PSEN1: variants seen among roughly 807,000 people sequenced by gnomAD.
The protein encoded by PSEN1 is presenilin 1, also known as presenilin-1.
PSEN1 carries 15 observed loss-of-function variants against 53.5 expected under a neutral mutation model. The ratio of observed to expected loss-of-function variants is 0.28; its 90% CI spans 0.19 to 0.43. PSEN1 has a LOEUF of 0.43. PSEN1 is among the 20% of genes least tolerant of loss of function. PSEN1 has a pLI of 1.00. For synonymous variants in PSEN1, 208 were observed against 209.8 expected (o/e 0.99, Z 0.08); for missense variants, 387 against 571.2 (o/e 0.68, Z 3.29).
In PSEN1 at chr14:73,220,440, CAGT is replaced by C. The variant is rs1900096775; in HGVS notation, c.*1154_*1156del. The C allele has an allele frequency of 6.6e-6, 1 of 152,588 alleles. No individual in the cohort carries two copies. Among genetic ancestry groups the C allele is most frequent in the Non-Finnish European group, 1.5e-5 (1 of 68,036 alleles). The allele number at this position is 152,588 out of a possible 1,614,324, so 9.5% of individuals were successfully genotyped here. On this transcript the variant is annotated 3_prime_UTR_variant, in exon 12 of 12. Transcript: ENST00000324501. ...GTATTTTGTTTTTGCTTTTGCCACA[CAGT>C]AGCTCAGAATTTGAACAAATAGCCA...
At chr14:73,209,941 C>T (rs1323388044) in intron 9 of PSEN1, among the ~76,000 whole-genome samples, 1 of 152,224 alleles carries the variant, frequency 6.6e-6, no homozygotes, top group Non-Finnish European at 1.5e-5. Flanking sequence ...CCTGGCCCCT[C>T]ACCCACTAAA....
chr14:73,201,337 C>T (rs962200349), intron 8 of PSEN1, among the ~76,000 whole-genome samples: 2 of 152,164 alleles, frequency 1.3e-5, no homozygotes, highest in Non-Finnish European at 2.9e-5. Context: ...CCGCCCGCCT[C>T]GGCCTCCCAA....
intron 8 of PSEN1, among the ~76,000 whole-genome samples, chr14:73,201,227 A>G (rs1899172856): frequency 1.3e-5 from 2 of 151,974 alleles, no homozygotes; most frequent in African/African-American, 4.8e-5. Flanking sequence ...AGCTGGGACT[A>G]CAGGCACACG....
At chr14:73,210,495 A>G (rs1302389486) in intron 9 of PSEN1, among the ~76,000 whole-genome samples, 1 of 152,222 alleles carries the variant, frequency 6.6e-6, no homozygotes, top group Non-Finnish European at 1.5e-5. Context: ...AAGTTATGGC[A>G]CAATGAGCAT....
intron 5 of PSEN1, among the ~76,000 whole-genome samples, chr14:73,184,689 G>T (rs1168065074): frequency 1.3e-5 from 2 of 150,592 alleles, no homozygotes; most frequent in Admixed American, 6.6e-5. Context: ...TGGCGGGGCG[G>T]GGGGCTGACC....
At chr14:73,151,311 C>T (rs552620225) in intron 3 of PSEN1, among the ~76,000 whole-genome samples, 1 of 152,138 alleles carries the variant, frequency 6.6e-6, no homozygotes, top group Non-Finnish European at 1.5e-5. Flanking sequence ...CAGTGACATA[C>T]TAATTCATTA....
At chr14:73,193,753 C>G (rs1054640089) in intron 7 of PSEN1, among the ~76,000 whole-genome samples, 1 of 151,962 alleles carries the variant, frequency 6.6e-6, no homozygotes, top group African/African-American at 2.4e-5. Flanking sequence ...AACTCCCTGG[C>G]TCATGCGATC....
intron 9 of PSEN1, among the ~76,000 whole-genome samples, chr14:73,208,381 A>G (rs1176826243): frequency 6.6e-6 from 1 of 152,310 alleles, no homozygotes; most frequent in Non-Finnish European, 1.5e-5. Flanking sequence ...AGGAGACCCT[A>G]TCTGCAGGCA....
intron 5 of PSEN1, among the ~76,000 whole-genome samples, chr14:73,184,530 C>A (rs1175425731): frequency 2.2e-5 from 3 of 135,832 alleles, no homozygotes; most frequent in Non-Finnish European, 3.2e-5. Flanking sequence ...GACCCCCCCA[C>A]CTCCCTCTCG....
intron 3 of PSEN1, among the ~76,000 whole-genome samples, chr14:73,167,650 A>G (rs1428502163): frequency 6.6e-6 from 1 of 151,868 alleles, no homozygotes; most frequent in Admixed American, 6.6e-5. Context: ...ATTAGTTTTA[A>G]TCCCCACTTT....
At chr14:73,143,955 C>T (rs1003947421) in intron 1 of PSEN1, among the ~76,000 whole-genome samples, 2 of 139,736 alleles carry the variant, frequency 1.4e-5, no homozygotes, top group Admixed American at 7.6e-5. Context: ...CCACTGTACT[C>T]CAGCCTGGGT....
At chr14:73,179,320 A>C (rs1404356559) in intron 5 of PSEN1, among the ~76,000 whole-genome samples, 1 of 152,162 alleles carries the variant, frequency 6.6e-6, no homozygotes, top group East Asian at 1.9e-4. Flanking sequence ...GAGAATGGAG[A>C]AAAGCGGAAA....
intron 8 of PSEN1, among the ~76,000 whole-genome samples, chr14:73,200,458 C>A (rs1171866539): frequency 6.6e-6 from 1 of 152,018 alleles, no homozygotes; most frequent in East Asian, 1.9e-4. Context: ...TTAGTAGAGA[C>A]GGGATTTCAC....
chr14:73,171,081 C>G, intron 4 of PSEN1, 34 bp downstream of exon 4: 1 of 1,612,782 alleles, frequency 6.2e-7, no homozygotes, highest in Non-Finnish European at 8.5e-7. Context: ...ATTCTCAAAG[C>G]CAGTGTGGCT....
chr14:73,159,846 A>T (rs1033046702), intron 3 of PSEN1, among the ~76,000 whole-genome samples: 53 of 152,108 alleles, frequency 3.5e-4, no homozygotes, highest in African/African-American at 1.3e-3. Context: ...TTTTGATGAC[A>T]AGATCTCACT....
At chr14:73,194,566 CTTTTTTTTTT>C (rs34315326) in intron 7 of PSEN1, among the ~76,000 whole-genome samples, 12 of 128,774 alleles carry the variant, frequency 9.3e-5, no homozygotes, top group Non-Finnish European at 1.6e-4. Context: ...TGGCCATACA[CTTTTTTTTTT>C]TTTTTTTTTC....
chr14:73,182,805 C>T (rs1425503142), intron 5 of PSEN1, among the ~76,000 whole-genome samples: 7 of 152,072 alleles, frequency 4.6e-5, no homozygotes, highest in African/African-American at 1.7e-4. Flanking sequence ...TGCTACTGCA[C>T]TCCAGCCTGG....
intron 8 of PSEN1, among the ~76,000 whole-genome samples, chr14:73,201,736 C>G (rs1313624746): frequency 6.6e-6 from 1 of 152,024 alleles, no homozygotes; most frequent in East Asian, 1.9e-4. Flanking sequence ...AGGGAAGGTT[C>G]CATTTTATTT....
chr14:73,162,397 C>T (rs535386492), intron 3 of PSEN1, among the ~76,000 whole-genome samples: 18 of 151,736 alleles, frequency 1.2e-4, no homozygotes, highest in African/African-American at 3.9e-4. Context: ...GTGCAATCCA[C>T]AGGGAGGGCA....
Sources: gnomAD v4.1 joint callset for allele counts (sites outside exome capture counted in the v4.1 genomes callset) on GRCh38, gnomAD v4.1.1 for gene constraint, MANE v1.5 for transcripts, NCBI Gene and HGNC (gene_info 2026-07-23, HGNC 2026-07-21) for gene names.